Variants in VWC2L observed in about 807,000 individuals in gnomAD.
VWC2L encodes the protein von Willebrand factor C domain containing 2 like.
A neutral mutation model predicts 21.6 loss-of-function variants in VWC2L; 10 were observed. That is an observed-to-expected ratio of 0.46 (90% CI 0.29 to 0.78). The LOEUF (loss-of-function observed/expected upper bound fraction) is 0.78, where lower values mean the gene tolerates loss of function less well. VWC2L is among the 30% of genes least tolerant of loss of function. The pLI is 0.10. For synonymous variants in VWC2L, 96 were observed against 94.3 expected, an observed-to-expected ratio of 1.02 and a Z score of -0.10; for missense variants, 209 against 277.1, an observed-to-expected ratio of 0.75 and a Z score of 1.74.
chr2:214,575,773 C>T lies in VWC2L; in HGVS notation c.622C>T (p.Pro208Ser). The change falls in exon 4 of 4, where the codon CCT becomes TCT. Residue 208 changes from proline to serine, a missense_variant. Physicochemically the swap from Pro to Ser is moderately conservative, Grantham distance 74. Transcript: ENST00000312504. ...CHCHNGDWWK[P>S]AQCSKRECQG... ...TTGTCACAACGGGGACTGGTGGAAG[C>T]CTGCTCAGTGTTCGAAACGTGAATG... 6.2e-7 allele frequency: 1 copy of T among 1,613,456 alleles called. No homozygotes were observed. Among genetic ancestry groups the T allele is most frequent in the Non-Finnish European group, 8.5e-7 (1 of 1,179,500 alleles).
intron 3 of VWC2L, among the ~76,000 whole-genome samples, chr2:214,526,080 T>G (rs1397537343): frequency 6.7e-6 from 1 of 150,238 alleles, no homozygotes; most frequent in African/African-American, 2.4e-5. Context: ...TAACATATAT[T>G]ATTAATATAT....
chr2:214,559,572 C>T (rs910579380), intron 3 of VWC2L, among the ~76,000 whole-genome samples: 18 of 151,934 alleles, frequency 1.2e-4, no homozygotes, highest in African/African-American at 3.9e-4. Flanking sequence ...AGTATATGAA[C>T]TCTTTATTTT....
At chr2:214,423,469 C>A (rs114607682) in intron 2 of VWC2L, among the ~76,000 whole-genome samples, 2 of 152,028 alleles carry the variant, frequency 1.3e-5, no homozygotes, top group African/African-American at 2.4e-5. Flanking sequence ...TATTTTACTA[C>A]CTTCAGGTTT....
chr2:214,465,605 C>G (rs1338579370), intron 3 of VWC2L, among the ~76,000 whole-genome samples: 1 of 152,188 alleles, frequency 6.6e-6, no homozygotes, highest in Non-Finnish European at 1.5e-5. Flanking sequence ...ATGCAAGCAC[C>G]TTCTTGGCCA....
At chr2:214,526,390 C>T (rs1298476104) in intron 3 of VWC2L, among the ~76,000 whole-genome samples, 1 of 152,114 alleles carries the variant, frequency 6.6e-6, no homozygotes, top group Non-Finnish European at 1.5e-5. Flanking sequence ...TCCCTGCTCA[C>T]ACCTCCCCAT....
At chr2:214,417,350 G>A (rs200349026) in intron 2 of VWC2L, among the ~76,000 whole-genome samples, 3 of 149,322 alleles carry the variant, frequency 2.0e-5, no homozygotes, top group East Asian at 2.0e-4. Context: ...AGAGAAGGGG[G>A]AAAAAGCAGG....
At chr2:214,420,534 T>G (rs1702423310) in intron 2 of VWC2L, among the ~76,000 whole-genome samples, 1 of 152,202 alleles carries the variant, frequency 6.6e-6, no homozygotes, top group African/African-American at 2.4e-5. Context: ...CTAAGTCAGA[T>G]GTTTACACAA....
chr2:214,524,530 T>G (rs1689296533), intron 3 of VWC2L, among the ~76,000 whole-genome samples: 1 of 152,184 alleles, frequency 6.6e-6, no homozygotes, highest in Non-Finnish European at 1.5e-5. Flanking sequence ...AAATTGTAAT[T>G]AACCCAGTTT....
intron 3 of VWC2L, among the ~76,000 whole-genome samples, chr2:214,517,652 G>A (rs1175230490): frequency 6.6e-6 from 1 of 152,072 alleles, no homozygotes; most frequent in African/African-American, 2.4e-5. Flanking sequence ...GTAAAAACTA[G>A]CAAATAAATG....
chr2:214,429,025 G>T (rs1356509474), intron 2 of VWC2L, among the ~76,000 whole-genome samples: 1 of 152,022 alleles, frequency 6.6e-6, no homozygotes. Context: ...TGCAGAATAG[G>T]CCAGGTCATA....
intron 3 of VWC2L, among the ~76,000 whole-genome samples, chr2:214,463,488 A>G (rs570026540): frequency 6.6e-6 from 1 of 152,216 alleles, no homozygotes; most frequent in South Asian, 2.1e-4. Flanking sequence ...TAGATGACAT[A>G]TAGTTGGGTC....
intron 3 of VWC2L, among the ~76,000 whole-genome samples, chr2:214,463,615 CTTCA>C (rs1703173811): frequency 6.6e-6 from 1 of 151,602 alleles, no homozygotes; most frequent in Non-Finnish European, 1.5e-5. Flanking sequence ...TTTTCTGTTT[CTTCA>C]TTCTTTTTCA....
intron 3 of VWC2L, among the ~76,000 whole-genome samples, chr2:214,535,433 C>G (rs1319363616): frequency 1.3e-5 from 2 of 152,000 alleles, no homozygotes; most frequent in Non-Finnish European, 1.5e-5. Context: ...TCCCCGACCC[C>G]ACCACCGTCC....
intron 3 of VWC2L, among the ~76,000 whole-genome samples, chr2:214,466,015 G>T (rs570394084): frequency 6.6e-6 from 1 of 152,270 alleles, no homozygotes; most frequent in East Asian, 1.9e-4. Flanking sequence ...TGTGGGAGGG[G>T]TGGCATCAAG....
intron 3 of VWC2L, among the ~76,000 whole-genome samples, chr2:214,442,243 G>T (rs1276516579): frequency 6.6e-6 from 1 of 152,054 alleles, no homozygotes; most frequent in South Asian, 2.1e-4. Context: ...TATTGAGTTT[G>T]TATGTGTATA....
Position 214,549,391 on chromosome 2 carries a change from A to G in VWC2L, c.521-26281A>G, listed in dbSNP as rs146352327. Among the ~76,000 whole-genome samples the G allele has an allele frequency of 1.4e-3, 214 of 152,330 alleles. 1 individual carries two copies. The highest frequency in any genetic ancestry group is 5.0e-3 in the African/African-American group (209 of 41,570). ...AGCAACTTCACCAATTTAGGACATT[A>G]TTTCCCTCTCTAAAGCACCAGAGAA... On this transcript the variant is annotated intron_variant, in intron 3 of 3. Coordinates refer to ENST00000312504, the MANE Select transcript of VWC2L (RefSeq NM_001080500.4).
At chr2:214,504,170 G>A (rs887278051) in intron 3 of VWC2L, among the ~76,000 whole-genome samples, 2 of 152,144 alleles carry the variant, frequency 1.3e-5, no homozygotes, top group African/African-American at 4.8e-5. Flanking sequence ...AAATAGAAAG[G>A]TTCTTTACTG....
intron 3 of VWC2L, chr2:214,472,010 C>T (rs1703316144): frequency 6.6e-6 from 1 of 152,092 alleles, no homozygotes; most frequent in South Asian, 2.1e-4. Flanking sequence ...TTCTGCATTT[C>T]TCTTAATGAT....
chr2:214,417,276 A>G (rs902178932), intron 2 of VWC2L, among the ~76,000 whole-genome samples: 2 of 152,204 alleles, frequency 1.3e-5, no homozygotes, highest in Non-Finnish European at 2.9e-5. Flanking sequence ...CGTACTTACA[A>G]TTGAAAGTAG....
Sources: gnomAD v4.1 joint callset for allele counts (sites outside exome capture counted in the v4.1 genomes callset) on GRCh38, gnomAD v4.1.1 for gene constraint, MANE v1.5 for transcripts, NCBI Gene and HGNC (gene_info 2026-07-23, HGNC 2026-07-21) for gene names.